PLXNC1: variants seen among roughly 807,000 people sequenced by gnomAD.
PLXNC1 encodes plexin C1.
A neutral mutation model predicts 178.2 loss-of-function variants in PLXNC1; 75 were observed. The observed-to-expected ratio is 0.42, with a 90% CI of 0.35 to 0.51. PLXNC1 has a LOEUF of 0.51. Ranked by LOEUF, PLXNC1 falls within the 20% of genes least tolerant of loss-of-function variation. The pLI is 0.02. For missense variants in PLXNC1, 1,503 were observed against 1,984.4 expected (o/e 0.76, Z 4.61); for synonymous variants, 790 against 779.9 (o/e 1.01, Z -0.22).
intron 23 of PLXNC1, among the ~76,000 whole-genome samples, chr12:94,291,916 G>A (rs1056736660): frequency 2.0e-5 from 3 of 152,098 alleles, no homozygotes; most frequent in Admixed American, 6.5e-5. Flanking sequence ...ACCCATCCCC[G>A]CTTTTGGAGT....
intron 2 of PLXNC1, among the ~76,000 whole-genome samples, chr12:94,176,761 G>A (rs886761487): frequency 3.9e-5 from 6 of 151,994 alleles, no homozygotes; most frequent in African/African-American, 1.5e-4. Context: ...GCAAAAGAGT[G>A]AAGATATTCT....
In PLXNC1 at chr12:94,248,425, G is replaced by A. The variant is rs1300811191; in HGVS notation, c.2778+13G>A. The A allele has an allele frequency of 1.3e-6, 2 of 1,587,372 alleles. No homozygotes were observed. The highest frequency in any genetic ancestry group is 1.4e-5 in the African/African-American group (1 of 73,784). ...TAAGAAAGTTCGGGTAAGTGACCTGGCAGTCCCACCTGCTGTCTTTACCTG... is the reference window on the plus strand; with the variant it reads ...TAAGAAAGTTCGGGTAAGTGACCTGACAGTCCCACCTGCTGTCTTTACCTG... On this transcript the variant is annotated intron_variant, in intron 14 of 30. Coordinates refer to ENST00000258526, the MANE Select transcript of PLXNC1 (RefSeq NM_005761.3).
intron 20 of PLXNC1, among the ~76,000 whole-genome samples, chr12:94,263,713 A>C (rs796519670): frequency 6.6e-5 from 10 of 152,274 alleles, no homozygotes; most frequent in African/African-American, 1.9e-4. Flanking sequence ...AATGTCATGC[A>C]CTAGTCCTGC....
intron 21 of PLXNC1, among the ~76,000 whole-genome samples, chr12:94,271,154 A>C (rs1199622161): frequency 1.3e-5 from 2 of 152,256 alleles, no homozygotes; most frequent in African/African-American, 2.4e-5. Flanking sequence ...CTGAAATAAA[A>C]TTAGAAATAT....
chr12:94,220,054 C>T lies in PLXNC1; in HGVS notation c.1593C>T (p.His531=). ...VTMVGSFSPR[H]SKCMVKNVDS... is the part of the protein sequence containing the mutation. ...TGGTGGGAAGCTTCTCTCCAAGACA[C>T]TCAAAGTGCATGGTGAAGAATGTGG... The change falls in exon 6 of 31, where the codon CAC becomes CAT. Residue 531 remains histidine, a synonymous_variant. Coordinates refer to ENST00000258526, the MANE Select transcript of PLXNC1 (RefSeq NM_005761.3). The T allele has an allele frequency of 6.2e-7, 1 of 1,613,820 alleles. No homozygotes were observed. Among genetic ancestry groups the T allele is most frequent in the Non-Finnish European group, 8.5e-7 (1 of 1,179,784 alleles).
In PLXNC1 at chr12:94,237,605, T is replaced by C. The variant is rs756136389; in HGVS notation, c.1981-59T>C. ...GAACTGCAGCGTATAAACAGATTTTTTTGGAGCGATGCCATTTCTTAGCTT... is the reference window on the plus strand; with the variant it reads ...GAACTGCAGCGTATAAACAGATTTTCTTGGAGCGATGCCATTTCTTAGCTT... On this transcript the variant is annotated intron_variant, in intron 9 of 30. Coordinates refer to ENST00000258526, the MANE Select transcript of PLXNC1 (RefSeq NM_005761.3). 5.3e-4 allele frequency: 797 copies of C among 1,513,576 alleles called. 1 individual carries two copies. Among genetic ancestry groups the C allele is most frequent in the Non-Finnish European group, 6.5e-4 (720 of 1,101,758 alleles). The allele number at this position is 1,513,576 out of a possible 1,614,324, so 93.8% of individuals were successfully genotyped here.
At chr12:94,290,004 A>G (rs372316287) in intron 23 of PLXNC1, among the ~76,000 whole-genome samples, 12 of 152,130 alleles carry the variant, frequency 7.9e-5, no homozygotes, top group Non-Finnish European at 1.5e-4. Flanking sequence ...GCTCTTGAGG[A>G]GACATTTGAA....
At chr12:94,286,724 T>C (rs1170364368) in intron 23 of PLXNC1, among the ~76,000 whole-genome samples, 1 of 152,032 alleles carries the variant, frequency 6.6e-6, no homozygotes, top group Non-Finnish European at 1.5e-5. Flanking sequence ...TAGTTAGGTT[T>C]TAAAGTTAAT....
At chr12:94,165,025 C>T (rs1034537807) in intron 1 of PLXNC1, among the ~76,000 whole-genome samples, 16 of 152,140 alleles carry the variant, frequency 1.1e-4, no homozygotes, top group Admixed American at 9.8e-4. Flanking sequence ...AAGGCATTAA[C>T]CTTGTTACAC....
intron 2 of PLXNC1, among the ~76,000 whole-genome samples, chr12:94,177,230 C>CAT (rs568262912): frequency 0.016 from 1,580 of 97,446 alleles, 28 homozygotes; most frequent in African/African-American, 0.046. Flanking sequence ...TATATATATA[C>CAT]ATATATATAT....
intron 3 of PLXNC1, among the ~76,000 whole-genome samples, chr12:94,182,306 A>G (rs565095303): frequency 1.4e-4 from 21 of 150,768 alleles, no homozygotes; most frequent in Middle Eastern, 3.5e-3. Context: ...TCACCCCAGC[A>G]CTTTGGGAGG....
chr12:94,303,114 TTTAA>T (rs1968635069), intron 28 of PLXNC1, among the ~76,000 whole-genome samples: 1 of 152,224 alleles, frequency 6.6e-6, no homozygotes, highest in Non-Finnish European at 1.5e-5. Flanking sequence ...TAAAATCATA[TTTAA>T]TTTTTAAATA....
intron 12 of PLXNC1, among the ~76,000 whole-genome samples, chr12:94,247,549 T>C (rs1262983116): frequency 6.6e-6 from 1 of 152,170 alleles, no homozygotes; most frequent in Non-Finnish European, 1.5e-5. Context: ...GGTCAGAATC[T>C]TCCCCTTTCC....
intron 9 of PLXNC1, among the ~76,000 whole-genome samples, chr12:94,228,534 T>G (rs1009994558): frequency 6.6e-6 from 1 of 152,216 alleles, no homozygotes; most frequent in South Asian, 2.1e-4. Flanking sequence ...CTTGCAAAAC[T>G]GAAACTCTAT....
chr12:94,198,803 C>T (rs77977581), intron 4 of PLXNC1, among the ~76,000 whole-genome samples: 14,221 of 152,208 alleles, frequency 0.093, 765 homozygotes, highest in Middle Eastern at 0.17. Context: ...ATCTCCCTCT[C>T]CTTTCTCCTA....
chr12:94,226,352 T>A, intron 7 of PLXNC1: 1 of 383,568 alleles, frequency 2.6e-6, no homozygotes, highest in East Asian at 5.7e-5. Context: ...TTCATTGGGT[T>A]CCTATTATCT....
intron 23 of PLXNC1, among the ~76,000 whole-genome samples, chr12:94,293,827 C>T (rs1289908354): frequency 6.6e-6 from 1 of 152,090 alleles, no homozygotes; most frequent in East Asian, 1.9e-4. Context: ...CCCTATGTTG[C>T]CCAGGCTGGT....
At chr12:94,189,458 C>A (rs1209759304) in intron 4 of PLXNC1, among the ~76,000 whole-genome samples, 2 of 152,074 alleles carry the variant, frequency 1.3e-5, no homozygotes, top group African/African-American at 4.8e-5. Flanking sequence ...GTGGGTGGAT[C>A]ACTTGAGCCC....
Position 94,149,277 on chromosome 12 carries a change from G to A in PLXNC1, c.306G>A (p.Gly102=), listed in dbSNP as rs776601239. The change falls in exon 1 of 31, where the codon GGG becomes GGA. Residue 102 remains glycine (G), a synonymous_variant. Transcript: ENST00000258526. ...SLAPPARPRP[G]SSFSKLLLPY... is the part of the protein sequence containing the mutation. ...CGCCCCCCGCGCGGCCCCGGCCCGG[G>A]AGCAGCTTCAGCAAGCTGCTGCTGC... 69 of 1,517,808 alleles carry A rather than the reference G, an allele frequency of 4.5e-5. No homozygotes were observed. The African/African-American group carries it at 9.4e-4, about 21-fold the overall frequency. The allele number at this position is 1,517,808 out of a possible 1,614,324, so 94.0% of individuals were successfully genotyped here.
Sources: gnomAD v4.1 joint callset for allele counts (sites outside exome capture counted in the v4.1 genomes callset) on GRCh38, gnomAD v4.1.1 for gene constraint, MANE v1.5 for transcripts, NCBI Gene and HGNC (gene_info 2026-07-23, HGNC 2026-07-21) for gene names.